Variants in TLN2 observed in about 807,000 individuals in gnomAD.
TLN2 encodes talin-2.
TLN2 carries 118 observed loss-of-function variants against 294.7 expected under a neutral mutation model. That is an observed-to-expected ratio of 0.40 (90% CI 0.34 to 0.47). TLN2 has a LOEUF of 0.47. TLN2 is among the 20% of genes least tolerant of loss of function. The probability of loss-of-function intolerance (pLI) is 0.84; values close to 1 mark genes in which losing one functional copy is unlikely to be tolerated. For synonymous variants in TLN2, 1,431 were observed against 1,304.5 expected (o/e 1.10, Z -2.09); for missense variants, 3,083 against 3,282.2 (o/e 0.94, Z 1.48).
intron 50 of TLN2, among the ~76,000 whole-genome samples, chr15:62,801,017 T>C (rs1309561823): frequency 6.6e-6 from 1 of 152,234 alleles, no homozygotes; most frequent in East Asian, 1.9e-4. Context: ...TCAGGTTTAC[T>C]TCCACTAAAA....
rs1370161667 is a variant in TLN2 at position 62,727,107 on chromosome 15, C to T, written c.3276C>T (p.Asp1092=). Residue 1092 remains aspartate, a synonymous_variant, in exon 28 of 59, where the codon GAC becomes GAT. Coordinates refer to ENST00000636159, the MANE Select transcript of TLN2 (RefSeq NM_015059.3). ...PGETLEKCAQ[D]LGSTSKAVGS... ...TGTAGCTGGAAAAATGTGCTCAGGA[C>T]CTGGGAAGCACATCCAAGGCGGTGG... is the stretch of plus-strand genomic sequence containing the variant. 6.2e-7 allele frequency: 1 copy of T among 1,614,152 alleles called. No homozygotes were observed. Among genetic ancestry groups the T allele is most frequent in the Non-Finnish European group, 8.5e-7 (1 of 1,180,036 alleles).
chr15:62,494,107 A>T (rs2038895693), intron 1 of TLN2, among the ~76,000 whole-genome samples: 1 of 152,020 alleles, frequency 6.6e-6, no homozygotes, highest in South Asian at 2.1e-4. Context: ...TTTTCATGTG[A>T]ATTTTTATCT....
rs2059478010 is a variant in TLN2, at chr15:62,712,352, T to C, written c.2634+275T>C. 4.6e-5 allele frequency among the ~76,000 whole-genome samples: 7 copies of C among 152,342 alleles called. No individual in the cohort carries two copies. The South Asian group carries it at 1.5e-3, about 32-fold the overall frequency. ...CATTTGGTCATCACTGTTGGCTTCA[T>C]TCAATGTGGTGACTAATTTAAACCT... On this transcript the variant is annotated intron_variant, in intron 22 of 58. Transcript: ENST00000636159.
intron 32 of TLN2, among the ~76,000 whole-genome samples, chr15:62,743,922 C>T (rs1049862176): frequency 6.6e-6 from 1 of 152,162 alleles, no homozygotes; most frequent in Admixed American, 6.5e-5. Context: ...CCCCTGGCTC[C>T]CCTTTGGTCT....
At chr15:62,573,187 A>G (rs746303858) in intron 1 of TLN2, among the ~76,000 whole-genome samples, 3 of 151,844 alleles carry the variant, frequency 2.0e-5, no homozygotes, top group Non-Finnish European at 4.4e-5. Flanking sequence ...ATCCACCTTG[A>G]TCACACCCCT....
At chr15:62,795,213 G>A (rs1045070086) in intron 46 of TLN2, among the ~76,000 whole-genome samples, 4 of 152,112 alleles carry the variant, frequency 2.6e-5, no homozygotes, top group East Asian at 1.9e-4. Context: ...CAACTAGTTC[G>A]GTGGCTGCGG....
At chr15:62,410,066 AC>A (rs1246152600) in intron 1 of TLN2, among the ~76,000 whole-genome samples, 1 of 151,868 alleles carries the variant, frequency 6.6e-6, no homozygotes, top group Admixed American at 6.6e-5. Flanking sequence ...ACATGGTAAA[AC>A]CCCGTCTCTA....
chr15:62,579,829 C>T (rs1427455147), intron 1 of TLN2, among the ~76,000 whole-genome samples: 3 of 152,174 alleles, frequency 2.0e-5, no homozygotes, highest in Admixed American at 1.3e-4. Flanking sequence ...GCTGAGGTTA[C>T]GAGCATGTAG....
chr15:62,719,542 C>A (rs2059995485), intron 24 of TLN2, among the ~76,000 whole-genome samples: 1 of 152,130 alleles, frequency 6.6e-6, no homozygotes, highest in South Asian at 2.1e-4. Context: ...ATCGAGACTT[C>A]CAGGACCACA....
At chr15:62,640,539 C>T (rs1304953741) in intron 3 of TLN2, among the ~76,000 whole-genome samples, 2 of 152,174 alleles carry the variant, frequency 1.3e-5, no homozygotes, top group African/African-American at 4.8e-5. Flanking sequence ...CTAGGCAGAG[C>T]TCATGAACAA....
chr15:62,578,492 G>A (rs1029740078), intron 1 of TLN2, among the ~76,000 whole-genome samples: 2 of 152,104 alleles, frequency 1.3e-5, no homozygotes. Context: ...ACTTGAACCC[G>A]GGAGGTGGAG....
At chr15:62,666,900 G>A (rs2054719570) in intron 9 of TLN2, among the ~76,000 whole-genome samples, 1 of 152,238 alleles carries the variant, frequency 6.6e-6, no homozygotes, top group South Asian at 2.1e-4. Flanking sequence ...GTTACAAGAT[G>A]CCGGGCCTCA....
At chr15:62,639,611 T>C (rs1390246332) in intron 3 of TLN2, among the ~76,000 whole-genome samples, 1 of 152,232 alleles carries the variant, frequency 6.6e-6, no homozygotes, top group Non-Finnish European at 1.5e-5. Context: ...AGCTTAACTC[T>C]CCTGGTCCTA....
chr15:62,581,141 A>G (rs1415898944), intron 1 of TLN2, among the ~76,000 whole-genome samples: 2 of 152,070 alleles, frequency 1.3e-5, no homozygotes, highest in Non-Finnish European at 2.9e-5. Flanking sequence ...TGGCCTCCTA[A>G]AGTGCCATGA....
At chr15:62,750,829 C>T (rs1265183294) in intron 34 of TLN2, among the ~76,000 whole-genome samples, 1 of 152,130 alleles carries the variant, frequency 6.6e-6, no homozygotes, top group Admixed American at 6.5e-5. Context: ...TCTTTTTTCA[C>T]AAATGGGTCT....
intron 1 of TLN2, among the ~76,000 whole-genome samples, chr15:62,569,666 G>T (rs1052797917): frequency 6.6e-6 from 1 of 152,308 alleles, no homozygotes; most frequent in Admixed American, 6.5e-5. Flanking sequence ...TTGTAGCTGT[G>T]GTTGGATTTT....
intron 23 of TLN2, among the ~76,000 whole-genome samples, chr15:62,716,939 GTT>G (rs67019375): frequency 2.5e-4 from 37 of 148,306 alleles, no homozygotes; most frequent in Admixed American, 1.0e-3. Context: ...CAAAAACTAT[GTT>G]TTTTTTTTTT....
chr15:62,656,968 C>T (rs2053279618), intron 8 of TLN2, among the ~76,000 whole-genome samples: 1 of 152,084 alleles, frequency 6.6e-6, no homozygotes, highest in Admixed American at 6.6e-5. Context: ...TTCCTGACCC[C>T]TGAGTTAGTG....
intron 1 of TLN2, among the ~76,000 whole-genome samples, chr15:62,502,513 G>A (rs1292199729): frequency 6.6e-6 from 1 of 152,162 alleles, no homozygotes; most frequent in African/African-American, 2.4e-5. Flanking sequence ...GCAGGCATGG[G>A]GGTTTATTGC....
Sources: allele counts gnomAD v4.1 joint callset (sites outside exome capture counted in the v4.1 genomes callset), GRCh38; gene constraint gnomAD v4.1.1; transcripts MANE v1.5; gene names NCBI Gene and HGNC (gene_info 2026-07-23, HGNC 2026-07-21).